Variants in RPS6KA3 observed in about 807,000 individuals in gnomAD.
The protein encoded by RPS6KA3 is ribosomal protein S6 kinase alpha-3.
In RPS6KA3, 4 loss-of-function variants were observed where a neutral mutation model predicts 67.2. That is an observed-to-expected ratio of 0.06 (90% confidence interval 0.03 to 0.14). The LOEUF (loss-of-function observed/expected upper bound fraction) is 0.14. Ranked by LOEUF, RPS6KA3 falls within the 10% of genes least tolerant of loss-of-function variation. The pLI is 1.00. For missense variants in RPS6KA3, 204 were observed against 559.0 expected (o/e 0.36, Z 6.40); for synonymous variants, 182 against 183.7 (o/e 0.99, Z 0.07).
chrX:20,199,160 G>A (rs1287809023), intron 4 of RPS6KA3, among the ~76,000 whole-genome samples: 3 of 111,681 alleles, frequency 2.7e-5, no homozygotes, highest in Admixed American at 9.5e-5. Flanking sequence ...GTGAGCCACC[G>A]TACCCAGCCA....
intron 6 of RPS6KA3, 136 bp from the exon 7 acceptor site, chrX:20,193,729 C>T (rs1227156085): frequency 2.3e-5 from 10 of 439,060 alleles, no homozygotes; most frequent in Non-Finnish European, 3.5e-5. Context: ...ACAATTTATT[C>T]GTGAAAGGAA....
At chrX:20,239,924 A>C (rs1382013945) in intron 1 of RPS6KA3, among the ~76,000 whole-genome samples, 1 of 111,574 alleles carries the variant, frequency 9.0e-6, no homozygotes, top group Admixed American at 9.5e-5. Context: ...TTTATTAAGC[A>C]GATTGCTTTG....
intron 2 of RPS6KA3, among the ~76,000 whole-genome samples, chrX:20,230,477 G>A (rs1222282314): frequency 1.8e-5 from 2 of 111,902 alleles, no homozygotes; most frequent in East Asian, 2.8e-4. Context: ...TGGGGATGGC[G>A]GTAAGGGAAA....
intron 7 of RPS6KA3, among the ~76,000 whole-genome samples, chrX:20,189,156 T>A (rs1452819005): frequency 9.0e-6 from 1 of 111,095 alleles, no homozygotes; most frequent in Non-Finnish European, 1.9e-5. Flanking sequence ...ACCTACACAA[T>A]CCTCTTCTCC....
chrX:20,169,569 GGGT>G, intron 15 of RPS6KA3, 78 bp from the exon 16 acceptor site: 1 of 610,086 alleles, frequency 1.6e-6, no homozygotes, highest in Non-Finnish European at 2.8e-6. Context: ...TACAGACCTT[GGGT>G]ATTACCTCAT....
At chrX:20,254,490 C>A (rs1047013232) in intron 1 of RPS6KA3, among the ~76,000 whole-genome samples, 1 of 112,132 alleles carries the variant, frequency 8.9e-6, no homozygotes, top group Non-Finnish European at 1.9e-5. Flanking sequence ...AAGGCACTTT[C>A]ATAGAACCTA....
intron 1 of RPS6KA3, among the ~76,000 whole-genome samples, chrX:20,235,104 G>C (rs1319892164): frequency 9.0e-6 from 1 of 111,264 alleles, no homozygotes; most frequent in Non-Finnish European, 1.9e-5. Flanking sequence ...ATTACAAATG[G>C]TCTCATTTAA....
At chrX:20,191,057 T>C (rs1481878765) in intron 7 of RPS6KA3, among the ~76,000 whole-genome samples, 1 of 110,401 alleles carries the variant, frequency 9.1e-6, no homozygotes, top group Non-Finnish European at 1.9e-5. Context: ...TGTGTGGTGT[T>C]CCCCTCCCTG....
chrX:20,200,399 A>G (rs114278574), intron 4 of RPS6KA3, among the ~76,000 whole-genome samples: 2,755 of 112,237 alleles, frequency 0.025, 80 homozygotes, highest in African/African-American at 0.079. Flanking sequence ...AGAGTGGGCA[A>G]AGCATAGCTA....
intron 1 of RPS6KA3, among the ~76,000 whole-genome samples, chrX:20,248,021 G>A (rs1396182286): frequency 9.0e-6 from 1 of 110,776 alleles, no homozygotes; most frequent in East Asian, 2.8e-4. Context: ...ATATTTCTAG[G>A]CATTCAACAT....
intron 6 of RPS6KA3, 70 bp downstream of exon 6, chrX:20,194,119 G>T: frequency 1.5e-6 from 1 of 688,693 alleles, no homozygotes; most frequent in Non-Finnish European, 2.3e-6. Context: ...GCATAATACT[G>T]AAACATAACA....
In RPS6KA3 at chrX:20,152,135, C is replaced by T. The variant is rs145207444; in HGVS notation, c.*3263G>A. ...ACAATCATAACTGACTTTTCACACA[C>T]ACAAGCTTCATAGCATCTCAACTTT... On this transcript the variant is annotated 3_prime_UTR_variant, in exon 22 of 22. Coordinates refer to ENST00000379565, the MANE Select transcript of RPS6KA3 (RefSeq NM_004586.3). 602 of 112,420 alleles carry T rather than the reference C, an allele frequency of 5.4e-3. 5 individuals are homozygous for T. Among genetic ancestry groups the T allele is most frequent in the Non-Finnish European group, 5.8e-3 (310 of 53,266 alleles). The allele number at this position is 112,420 out of a possible 1,213,427, so 9.3% of individuals were successfully genotyped here. A position where few individuals can be genotyped will look rare whatever the true frequency, so the allele number is the denominator to read the frequency against.
intron 4 of RPS6KA3, among the ~76,000 whole-genome samples, chrX:20,195,523 T>A (rs1055788683): frequency 2.7e-5 from 3 of 111,899 alleles, no homozygotes; most frequent in African/African-American, 9.7e-5. Context: ...GTTTCAACAT[T>A]CCATCAGTCC....
intron 2 of RPS6KA3, among the ~76,000 whole-genome samples, chrX:20,212,811 G>A (rs1313344934): frequency 9.0e-6 from 1 of 111,537 alleles, no homozygotes; most frequent in African/African-American, 3.3e-5. Flanking sequence ...CACTTACTAT[G>A]TATCAAGCAC....
intron 10 of RPS6KA3, among the ~76,000 whole-genome samples, chrX:20,181,254 T>C (rs988104643): frequency 9.8e-5 from 11 of 112,029 alleles, no homozygotes; most frequent in African/African-American, 3.6e-4. Context: ...CTATTTTTGA[T>C]AGTTCATATT....
chrX:20,201,808 A>G (rs753888445), intron 4 of RPS6KA3, among the ~76,000 whole-genome samples: 1 of 110,066 alleles, frequency 9.1e-6, no homozygotes, highest in Admixed American at 9.8e-5. Flanking sequence ...TCCTATTTAT[A>G]CTATTTTTCA....
intron 2 of RPS6KA3, among the ~76,000 whole-genome samples, chrX:20,215,579 A>G (rs2068830053): frequency 8.9e-6 from 1 of 112,082 alleles, no homozygotes; most frequent in African/African-American, 3.2e-5. Context: ...GTAGTATAAT[A>G]GGCAAAATAT....
At chrX:20,199,021 G>A (rs1010893346) in intron 4 of RPS6KA3, among the ~76,000 whole-genome samples, 9 of 110,479 alleles carry the variant, frequency 8.1e-5, no homozygotes, top group Non-Finnish European at 1.3e-4. Flanking sequence ...ACAGGTGCCC[G>A]CCACCACACC....
intron 2 of RPS6KA3, among the ~76,000 whole-genome samples, chrX:20,221,507 A>T (rs149504069): frequency 1.4e-3 from 161 of 112,084 alleles, no homozygotes; most frequent in Non-Finnish European, 2.8e-3. Flanking sequence ...ACATATATGG[A>T]CCATACTACA....
Sources: gnomAD v4.1 joint callset for allele counts (sites outside exome capture counted in the v4.1 genomes callset) on GRCh38, gnomAD v4.1.1 for gene constraint, MANE v1.5 for transcripts, NCBI Gene and HGNC (gene_info 2026-07-23, HGNC 2026-07-21) for gene names.